Variants in DDX11 observed in about 807,000 individuals in gnomAD.
DDX11 encodes ATP-dependent DNA helicase DDX11.
DDX11 carries 72 observed loss-of-function variants against 125.2 expected under a neutral mutation model. That is an observed-to-expected ratio of 0.58 (90% CI 0.48 to 0.70). DDX11 has a LOEUF of 0.70. Among genes scored for constraint, DDX11 ranks in the 30% least tolerant of loss-of-function variants. The pLI, the probability that DDX11 is intolerant of heterozygous loss-of-function variation, is 0.00. For missense variants in DDX11, 883 were observed against 1,165.0 expected (o/e 0.76, Z 3.52); for synonymous variants, 347 against 452.6 (o/e 0.77, Z 2.96).
chr12:31,077,033 G>A (rs1940822005), intron 1 of DDX11: 3 of 152,292 alleles, frequency 2.0e-5, no homozygotes, highest in South Asian at 4.1e-4. Context: ...CTTTCCCCTC[G>A]TAAATAGAGT....
chr12:31,094,309 C>T (rs71455619), intron 12 of DDX11: 32,766 of 425,112 alleles, frequency 0.077, 1,320 homozygotes, highest in Non-Finnish European at 0.1. Context: ...ATACCTTGGT[C>T]TGGCTGCTGT....
rs373394594 is a variant in DDX11 at position 31,092,821 on chromosome 12, A to G, written c.1243-25A>G. The G allele has an allele frequency of 9.3e-6, 15 of 1,612,494 alleles. No individual in the cohort carries two copies. The African/African-American group carries it at 1.6e-4, about 17-fold the overall frequency. ...CCTTAGCCCTCAGCTGCTTGCTCAG[A>G]GCCTGGTTTGTGTTCTTTCCCCAGC... On this transcript the variant is annotated intron_variant, in intron 10 of 26. Transcript: ENST00000542838.
chr12:31,096,634 C>G lies in DDX11; in HGVS notation c.1522-3C>G, dbSNP rs201232228. The G allele has an allele frequency of 1.2e-5, 20 of 1,613,038 alleles. No individual in the cohort carries two copies. The highest frequency in any genetic ancestry group is 1.7e-5 in the Admixed American group (1 of 59,990). On this transcript the variant is annotated splice_polypyrimidine_tract_variant and splice_region_variant and intron_variant, in intron 15 of 26. Coordinates refer to ENST00000542838, the MANE Select transcript of DDX11 (RefSeq NM_030653.4). ...CTCCACTGCTCTCTCTCATCCCACC[C>G]AGCTCTTTGGATTCACTGAACGGTA...
At chr12:31,095,402 G>A (rs10771801) in intron 14 of DDX11, among the ~76,000 whole-genome samples, 81,966 of 151,920 alleles carry the variant, frequency 0.54, 23,307 homozygotes, top group East Asian at 0.82. Context: ...AAACAGGCCC[G>A]TGGAGGTGAC....
chr12:31,093,081 C>G (rs945027415), intron 11 of DDX11, among the ~76,000 whole-genome samples, 164 bp from the exon 12 acceptor site: 3 of 151,868 alleles, frequency 2.0e-5, no homozygotes, highest in Middle Eastern at 3.4e-3. Context: ...GGGGACTGAC[C>G]GCTGGCTCTG....
Position 31,096,924 on chromosome 12 carries a change from A to G in DDX11, c.1696A>G (p.Ile566Val), listed in dbSNP as rs142312636. The change falls in exon 17 of 27, where the codon ATC becomes GTC. Residue 566 changes from isoleucine to valine, a missense_variant. By Grantham distance (29) the Ile-to-Val change is conservative (BLOSUM62 3). Transcript: ENST00000542838. ...GCGACCAGCTTCTCCACTGATGCAC[A>G]TCCAAGGCTTCCTGGCAGCTCTCAC... is the stretch of plus-strand genomic sequence containing the variant. Reference protein sequence around the residue: ...TLRPASPLMHIQGFLAALTTA... With the variant: ...TLRPASPLMHVQGFLAALTTA... The G allele has an allele frequency of 8.2e-4, 1,321 of 1,614,024 alleles. No homozygotes were observed. The highest frequency in any genetic ancestry group is 1.1e-3 in the Non-Finnish European group (1,256 of 1,180,028).
chr12:31,103,604 T>C lies in DDX11; in HGVS notation c.2564T>C (p.Phe855Ser). ...IGRAIRHQKD[F>S]ASVVLLDQRY... ...AGGGCCATCAGGCACCAGAAGGATT[T>C]TGCCAGCGTAGTGCTCCTGGACCAG... Residue 855 changes from phenylalanine to serine, a missense_variant, in exon 26 of 27, where the codon TTT becomes TCT. By Grantham distance (155) the Phe-to-Ser change is radical. Coordinates refer to ENST00000542838, the MANE Select transcript of DDX11 (RefSeq NM_030653.4). 6.2e-7 allele frequency: 1 copy of C among 1,614,008 alleles called. No homozygotes were observed. Among genetic ancestry groups the C allele is most frequent in the South Asian group, 1.1e-5 (1 of 91,068 alleles).
Position 31,089,260 on chromosome 12 carries a change from G to A in DDX11, c.792+109G>A, listed in dbSNP as rs3874114. ...CGCTGGGTCTGTGACAGGCTGAACC[G>A]TGTGAGGAGCAGCCCCCTCCCTGAC... On this transcript the variant is annotated intron_variant, in intron 7 of 26. Transcript: ENST00000542838. The A allele has an allele frequency of 9.2e-5, 123 of 1,338,490 alleles. No homozygotes were observed. The highest frequency in any genetic ancestry group is 2.0e-4 in the African/African-American group (14 of 69,220). The allele number at this position is 1,338,490 out of a possible 1,614,324, so 82.9% of individuals were successfully genotyped here.
At chr12:31,074,727 C>T (rs1259369551) in intron 1 of DDX11, among the ~76,000 whole-genome samples, 1 of 152,218 alleles carries the variant, frequency 6.6e-6, no homozygotes, top group Non-Finnish European at 1.5e-5. Flanking sequence ...GTGGCCCTGG[C>T]TTAACAGCAG....
chr12:31,074,710 G>C (rs1262390643), intron 1 of DDX11, among the ~76,000 whole-genome samples: 2 of 152,224 alleles, frequency 1.3e-5, no homozygotes, highest in African/African-American at 4.8e-5. Flanking sequence ...CCGCAGTACT[G>C]CAGTGTGTGG....
chr12:31,091,946 G>A, intron 10 of DDX11, 75 bp downstream of exon 10: 1 of 1,600,160 alleles, frequency 6.2e-7, no homozygotes, highest in Non-Finnish European at 8.6e-7. Flanking sequence ...CCAGACACCT[G>A]GGCCAAGAGT....
chr12:31,087,810 C>G, intron 5 of DDX11, 128 bp from the exon 6 acceptor site: 1 of 1,475,998 alleles, frequency 6.8e-7, no homozygotes, highest in Non-Finnish European at 9.2e-7. Flanking sequence ...GCGAGCAGCA[C>G]CTGCTACCTT....
chr12:31,075,439 G>C (rs541503310), intron 1 of DDX11, among the ~76,000 whole-genome samples: 6 of 152,080 alleles, frequency 3.9e-5, no homozygotes. Flanking sequence ...GGCAGATGTG[G>C]TTCAAATCCT....
rs1467965765 is a variant in DDX11, at chr12:31,099,080, C to CTTTTTTTTTTTTTT, written c.1875+1086_1875+1087insTTTTTTTTTTTTTT. Among the ~76,000 whole-genome samples, 677 of 80,980 alleles carry CTTTTTTTTTTTTTT rather than the reference C, an allele frequency of 8.4e-3. 83 individuals carry two copies. Among genetic ancestry groups the CTTTTTTTTTTTTTT allele is most frequent in the East Asian group, 0.011 (27 of 2,352 alleles). The allele number at this position is 80,980 out of a possible 152,430, so 53.1% of individuals were successfully genotyped here. A position where few individuals can be genotyped will look rare whatever the true frequency, so the allele number is the denominator to read the frequency against. On this transcript the variant is annotated intron_variant, in intron 18 of 26. Coordinates refer to ENST00000542838, the MANE Select transcript of DDX11 (RefSeq NM_030653.4). ...AATCCATACTGGTATTTCTTTCTTT[C>CTTTTTTTTTTTTTT]TTTCTTTTTTTTTTTTTTTTTTTTT...
intron 18 of DDX11, among the ~76,000 whole-genome samples, chr12:31,098,341 C>T (rs190338900): frequency 1.9e-4 from 29 of 152,350 alleles, no homozygotes; most frequent in Non-Finnish European, 3.7e-4. Context: ...TCTTTGTAGG[C>T]GTAATTTTTA....
chr12:31,097,614 A>G (rs1157149965), intron 17 of DDX11, among the ~76,000 whole-genome samples: 1 of 134,106 alleles, frequency 7.5e-6, no homozygotes, highest in Non-Finnish European at 1.5e-5. Flanking sequence ...CAGGAGGCGG[A>G]GGTTGCAGGG....
intron 1 of DDX11, among the ~76,000 whole-genome samples, chr12:31,076,311 G>A (rs1290688570): frequency 6.6e-6 from 1 of 152,212 alleles, no homozygotes; most frequent in Non-Finnish European, 1.5e-5. Context: ...GAGCAGGAGA[G>A]TGAACCCCGT....
At position 31,089,389 on chromosome 12, in the gene DDX11, C is replaced by A. The variant is rs760695460; in HGVS notation, c.793-14C>A. The A allele has an allele frequency of 3.1e-6, 5 of 1,613,868 alleles. No homozygotes were observed. The highest frequency in any genetic ancestry group is 4.2e-6 in the Non-Finnish European group (5 of 1,179,750). On this transcript the variant is annotated splice_polypyrimidine_tract_variant and intron_variant, in intron 7 of 26. Coordinates refer to ENST00000542838, the MANE Select transcript of DDX11 (RefSeq NM_030653.4). ...GCACCATCTTTTTGCCTCTTTCTTTCTCCTTTGCTGCAGAACCTTTGTGTA... is the reference window on the plus strand; with the variant it reads ...GCACCATCTTTTTGCCTCTTTCTTTATCCTTTGCTGCAGAACCTTTGTGTA...
chr12:31,102,603 T>G, intron 23 of DDX11, 76 bp downstream of exon 23: 1 of 1,374,314 alleles, frequency 7.3e-7, no homozygotes, highest in Middle Eastern at 2.3e-4. Flanking sequence ...GGCCCCTGCC[T>G]GCTCTCTGCT....
Sources: allele counts gnomAD v4.1 joint callset (sites outside exome capture counted in the v4.1 genomes callset), GRCh38; gene constraint gnomAD v4.1.1; transcripts MANE v1.5; gene names NCBI Gene and HGNC (gene_info 2026-07-23, HGNC 2026-07-21).